The following C16orf96 variants were observed in gnomAD, a reference collection of about 807,000 sequenced individuals.
The protein encoded by C16orf96 is uncharacterized protein C16orf96.
A neutral mutation model predicts 103.6 loss-of-function variants in C16orf96; 108 were observed. The observed-to-expected ratio is 1.04, with a 90% CI of 0.89 to 1.22. The LOEUF is 1.22. Ranked by LOEUF, C16orf96 falls within the 50% of genes most tolerant of loss-of-function variation. C16orf96 has a pLI of 0.00. For missense variants in C16orf96, 1,586 were observed against 1,464.2 expected, an observed-to-expected ratio of 1.08 and a Z score of -1.36; for synonymous variants, 566 against 593.5, an observed-to-expected ratio of 0.95 and a Z score of 0.67.
chr16:4,571,710 G>C, intron 2 of C16orf96, 45 bp downstream of exon 2: 6 of 1,394,094 alleles, frequency 4.3e-6, no homozygotes, highest in Non-Finnish European at 5.8e-6. Context: ...CGTTGCTCAG[G>C]CCTCTGGGGG....
rs540737061 is a variant in C16orf96, at chr16:4,576,196, C to A, written c.1716C>A (p.Ala572=). ...TGAAAACCACCGCTGCCATCGCCGC[C>A]GCTGCCGCCGCAGCCTACGCCGCTG... ...HRLKTTAAIA[A]AAAAAYAAAT... Residue 572 remains alanine, a synonymous_variant, in exon 5 of 16, where the codon GCC becomes GCA. Transcript: ENST00000444310. 531 of 1,550,394 alleles carry A rather than the reference C, an allele frequency of 3.4e-4. No homozygotes were observed. The highest frequency in any genetic ancestry group is 4.4e-4 in the Non-Finnish European group (500 of 1,146,982).
chr16:4,539,971 CT>C, the C16orf96 span, among the ~76,000 whole-genome samples: 1 of 152,196 alleles, frequency 6.6e-6, no homozygotes, highest in South Asian at 2.1e-4. Flanking sequence ...CCAAATTACC[CT>C]TTAAAAACTC....
chr16:4,592,219 C>A (rs180916504), intron 10 of C16orf96, 86 bp from the exon 11 acceptor site: 2 of 1,509,818 alleles, frequency 1.3e-6, no homozygotes, highest in Admixed American at 2.0e-5. Context: ...AGGAGGGATG[C>A]AGCCCTGGGG....
chr16:4,574,404 T>C (rs1450805705), intron 2 of C16orf96, among the ~76,000 whole-genome samples: 2 of 152,094 alleles, frequency 1.3e-5, no homozygotes, highest in Non-Finnish European at 2.9e-5. Flanking sequence ...GTATTTTTAG[T>C]AGAGACGGTG....
chr16:4,575,869 C>T lies in C16orf96; in HGVS notation c.1389C>T (p.Val463=). The change falls in exon 5 of 16, where the codon GTC becomes GTT. Residue 463 remains valine, a synonymous_variant. Coordinates refer to ENST00000444310, the MANE Select transcript of C16orf96 (RefSeq NM_001145011.2). ...AAGTAAAGGGGGAGGAAAATGATGT[C>T]CCCAGCCTAAGGGGCCTTCGGGAGA... ...AVQVKGEEND[V]PSLRGLRERA... 6.4e-7 allele frequency: 1 copy of T among 1,551,524 alleles called. No individual in the cohort carries two copies. Among genetic ancestry groups the T allele is most frequent in the South Asian group, 1.2e-5 (1 of 84,068 alleles).
intron 14 of C16orf96, among the ~76,000 whole-genome samples, chr16:4,597,526 G>A (rs1263524097): frequency 6.6e-6 from 1 of 152,054 alleles, no homozygotes; most frequent in Non-Finnish European, 1.5e-5. Flanking sequence ...CAGCAAGCCA[G>A]GACTTGAATC....
intron 7 of C16orf96, among the ~76,000 whole-genome samples, chr16:4,581,194 G>T (rs1392604337): frequency 8.3e-6 from 1 of 119,836 alleles, no homozygotes; most frequent in Non-Finnish European, 1.7e-5. Context: ...AATTAGCCAG[G>T]CGTAGTGGCA....
At chr16:4,592,960 C>T (rs1897092862) in intron 11 of C16orf96, among the ~76,000 whole-genome samples, 1 of 152,240 alleles carries the variant, frequency 6.6e-6, no homozygotes, top group Admixed American at 6.5e-5. Flanking sequence ...TAGGTGTATG[C>T]CACCGCGCCT....
At chr16:4,584,888 C>A (rs1416678942) in intron 7 of C16orf96, among the ~76,000 whole-genome samples, 2 of 152,050 alleles carry the variant, frequency 1.3e-5, no homozygotes, top group Non-Finnish European at 2.9e-5. Context: ...CTAGGCTGGT[C>A]TCGAACTCCT....
Position 4,593,170 on chromosome 16 carries a change from C to T in C16orf96, c.2775-54C>T. 4 of 1,504,370 alleles carry T rather than the reference C, an allele frequency of 2.7e-6. No individual in the cohort carries two copies. Among genetic ancestry groups the T allele is most frequent in the Non-Finnish European group, 3.6e-6 (4 of 1,105,692 alleles). 93.2% of individuals were successfully genotyped at this position (1,504,370 alleles called of 1,614,324 possible). A position where few individuals can be genotyped will look rare whatever the true frequency, so the allele number is the denominator to read the frequency against. On this transcript the variant is annotated intron_variant, in intron 11 of 15. Coordinates refer to ENST00000444310, the MANE Select transcript of C16orf96 (RefSeq NM_001145011.2). The surrounding 1 kb of genome is among the most constrained non-coding windows in gnomAD (Gnocchi z 4.2). ...CCTGGAGGGGTGGGAGACGAGCCCT[C>T]TGCTGGCCTAGCACGCCTCCCACAG...
chr16:4,573,575 A>AC (rs1312331090), intron 2 of C16orf96, among the ~76,000 whole-genome samples: 4 of 150,852 alleles, frequency 2.7e-5, no homozygotes, highest in Non-Finnish European at 5.9e-5. Flanking sequence ...ACACGGTGAA[A>AC]CCCCATCTCT....
At position 4,576,160 on chromosome 16, in the gene C16orf96, C is replaced by T; in HGVS notation, c.1680C>T (p.Ala560=). 2 of 1,551,194 alleles carry T rather than the reference C, an allele frequency of 1.3e-6. No homozygotes were observed. The highest frequency in any genetic ancestry group is 2.4e-5 in the South Asian group (2 of 84,066). ...CACAGCCTAAGGCTCCCCAGTCTGC[C>T]CTTCACCGGCTGAAAACCACCGCTG... ...KEAQPKAPQS[A]LHRLKTTAAI... The change falls in exon 5 of 16, where the codon GCC becomes GCT. Residue 560 remains alanine (A), a synonymous_variant. Transcript: ENST00000444310.
At chr16:4,547,685 C>CTTCCTTCCTTCT in the C16orf96 span, among the ~76,000 whole-genome samples, 1 of 107,680 alleles carries the variant, frequency 9.3e-6, no homozygotes, top group African/African-American at 5.5e-5. Context: ...TCCTTCCTTC[C>CTTCCTTCCTTCT]TTCCTTCTTT....
chr16:4,564,290 CCA>C (rs2059364333), intron 1 of C16orf96, among the ~76,000 whole-genome samples: 1 of 152,106 alleles, frequency 6.6e-6, no homozygotes, highest in Admixed American at 6.6e-5. Context: ...TTGTTCTTGG[CCA>C]TTGTCAGACT....
At chr16:4,547,645 T>C in the C16orf96 span, among the ~76,000 whole-genome samples, 1 of 51,642 alleles carries the variant, frequency 1.9e-5, no homozygotes, top group African/African-American at 5.1e-5. Context: ...TCTGTCTTTC[T>C]TTCTTTCCTT....
chr16:4,584,304 C>T lies in C16orf96; in HGVS notation c.2353-2735C>T, dbSNP rs944046103. ...CCAGGCTCAAGTGATCCTCCCACCTCGGCCTCCTGAGTAGCTGGGACTACA... is the reference window on the plus strand; with the variant it reads ...CCAGGCTCAAGTGATCCTCCCACCTTGGCCTCCTGAGTAGCTGGGACTACA... On this transcript the variant is annotated intron_variant, in intron 7 of 15. Transcript: ENST00000444310. 3.3e-5 allele frequency among the ~76,000 whole-genome samples: 5 copies of T among 150,174 alleles called. No individual in the cohort carries two copies. In the Admixed American group the frequency reaches 3.4e-4, roughly 10 times the overall value.
At chr16:4,545,008 A>C in the C16orf96 span, among the ~76,000 whole-genome samples, 2 of 152,336 alleles carry the variant, frequency 1.3e-5, no homozygotes, top group Admixed American at 1.3e-4. Context: ...ATAGTACACG[A>C]ATATGCATAG....
At chr16:4,562,179 T>C (rs2141696127) in intron 1 of C16orf96, among the ~76,000 whole-genome samples, 1 of 152,252 alleles carries the variant, frequency 6.6e-6, no homozygotes, top group African/African-American at 2.4e-5. Flanking sequence ...CTACAGATGT[T>C]CAAGAGAAAA....
the C16orf96 span, among the ~76,000 whole-genome samples, chr16:4,539,608 C>G: frequency 6.6e-6 from 1 of 152,016 alleles, no homozygotes; most frequent in East Asian, 1.9e-4. Context: ...TTGCTTGAAC[C>G]CGAGAGATGG....
Sources: allele counts gnomAD v4.1 joint callset (sites outside exome capture counted in the v4.1 genomes callset), GRCh38; gene constraint gnomAD v4.1.1; non-coding constraint Gnocchi (gnomAD v3.1); transcripts MANE v1.5; gene names NCBI Gene and HGNC (gene_info 2026-07-23, HGNC 2026-07-21).